The following KIAA0513 variants were observed in gnomAD, a reference collection of about 807,000 sequenced individuals.
KIAA0513 encodes uncharacterized protein KIAA0513.
Under a neutral mutation model 56.5 loss-of-function variants are expected in KIAA0513, and 39 were observed. The observed-to-expected ratio is 0.69, with a 90% confidence interval of 0.53 to 0.90. The LOEUF (loss-of-function observed/expected upper bound fraction) is 0.90. Ranked by LOEUF, KIAA0513 falls within the 40% of genes least tolerant of loss-of-function variation. The probability of loss-of-function intolerance (pLI) is 0.00; values close to 1 mark genes in which losing one functional copy is unlikely to be tolerated. For synonymous variants in KIAA0513, 268 were observed against 215.6 expected, an observed-to-expected ratio of 1.24 and a Z score of -2.13; for missense variants, 591 against 535.2, an observed-to-expected ratio of 1.10 and a Z score of -1.03.
intron 1 of KIAA0513, among the ~76,000 whole-genome samples, chr16:85,050,432 C>T (rs1238224345): frequency 6.6e-6 from 1 of 151,820 alleles, no homozygotes; most frequent in Non-Finnish European, 1.5e-5. Context: ...TCACTGCAAC[C>T]TCCACCTCCC....
At chr16:85,038,278 C>A (rs67231081) in intron 1 of KIAA0513, among the ~76,000 whole-genome samples, 9,667 of 152,294 alleles carry the variant, frequency 0.063, 934 homozygotes, top group African/African-American at 0.21. Context: ...CCGCTTTCTC[C>A]GGCTGAAGGT....
chr16:85,079,016 C>T lies in KIAA0513; in HGVS notation c.902+13C>T, dbSNP rs536755376. On this transcript the variant is annotated intron_variant, in intron 8 of 12. Transcript: ENST00000683363. ...AACAGCCCATCTGGTAAGGCCGAGC[C>T]CGCGGCTTCCCGTCACCCTCTTACT... The T allele has an allele frequency of 5.3e-5, 86 of 1,614,118 alleles. No individual in the cohort carries two copies. In the East Asian group the frequency reaches 1.7e-3, roughly 32 times the overall value.
intron 1 of KIAA0513, among the ~76,000 whole-genome samples, chr16:85,049,306 C>T (rs16975159): frequency 0.4 from 61,035 of 152,118 alleles, 13,674 homozygotes; most frequent in African/African-American, 0.61. Context: ...CCTCAGTGCA[C>T]AGCTGTTAGC....
At chr16:85,046,207 A>G (rs11647764) in intron 1 of KIAA0513, among the ~76,000 whole-genome samples, 10,123 of 152,232 alleles carry the variant, frequency 0.066, 374 homozygotes, top group Middle Eastern at 0.085. Context: ...ACCACGCGCC[A>G]TGCCTTTCTG....
chr16:85,078,391 A>G (rs2073690658), intron 6 of KIAA0513, 24 bp from the exon 7 acceptor site: 5 of 1,613,792 alleles, frequency 3.1e-6, no homozygotes, highest in Non-Finnish European at 2.5e-6. Flanking sequence ...CGCGTGTGTC[A>G]TCATTGTGCC....
intron 1 of KIAA0513, among the ~76,000 whole-genome samples, chr16:85,037,597 TA>T (rs1391406029): frequency 1.3e-5 from 2 of 152,204 alleles, no homozygotes; most frequent in African/African-American, 2.4e-5. Flanking sequence ...GAAAACCCGT[TA>T]ACCAAGTAAA....
At chr16:85,036,478 C>T (rs138714362) in intron 1 of KIAA0513, among the ~76,000 whole-genome samples, 6 of 152,288 alleles carry the variant, frequency 3.9e-5, no homozygotes, top group Non-Finnish European at 2.9e-5. Flanking sequence ...GCTATTGTAG[C>T]ACGTGTCCAT....
chr16:85,065,086 C>T (rs988167109), intron 1 of KIAA0513, among the ~76,000 whole-genome samples: 15 of 152,230 alleles, frequency 9.9e-5, no homozygotes, highest in Non-Finnish European at 1.0e-4. Context: ...GTACAGACAG[C>T]ACTAGCTTAA....
At chr16:85,034,298 T>C (rs577476992) in intron 1 of KIAA0513, among the ~76,000 whole-genome samples, 5 of 152,156 alleles carry the variant, frequency 3.3e-5, no homozygotes, top group Non-Finnish European at 4.4e-5. Flanking sequence ...GAGAATTGCT[T>C]GAACCTGGGG....
At chr16:85,056,952 G>C (rs9939789) in intron 1 of KIAA0513, among the ~76,000 whole-genome samples, 12,761 of 152,174 alleles carry the variant, frequency 0.084, 1,744 homozygotes, top group African/African-American at 0.28. Context: ...CGAGCCTCCT[G>C]CCTCAGCCTC....
chr16:85,062,633 C>T (rs1444786932), intron 1 of KIAA0513, among the ~76,000 whole-genome samples: 1 of 152,120 alleles, frequency 6.6e-6, no homozygotes, highest in Non-Finnish European at 1.5e-5. Flanking sequence ...TTTTGACTCC[C>T]AGCGTGTTTT....
chr16:85,087,043 G>T (rs7184307), intron 11 of KIAA0513, 29 bp from the exon 12 acceptor site: 6 of 1,607,170 alleles, frequency 3.7e-6, no homozygotes, highest in Middle Eastern at 3.3e-4. Flanking sequence ...GGAGGCCAGC[G>T]GGTGACGCTC....
chr16:85,070,428 C>T (rs887405341), intron 2 of KIAA0513, among the ~76,000 whole-genome samples: 1 of 152,086 alleles, frequency 6.6e-6, no homozygotes, highest in African/African-American at 2.4e-5. Flanking sequence ...CCTGTAATCC[C>T]AGCACTTTGG....
chr16:85,078,726 C>T (rs1451463542), intron 7 of KIAA0513, among the ~76,000 whole-genome samples, 199 bp from the exon 8 acceptor site: 2 of 152,238 alleles, frequency 1.3e-5, no homozygotes, highest in Non-Finnish European at 2.9e-5. Context: ...CGGAACCATC[C>T]CTCAGAAGAA....
At position 85,081,212 on chromosome 16, in the gene KIAA0513, G is replaced by C. The variant is rs1160201308; in HGVS notation, c.903-103G>C. On this transcript the variant is annotated intron_variant, in intron 8 of 12. Coordinates refer to ENST00000683363, the MANE Select transcript of KIAA0513 (RefSeq NM_001388359.1). This position sits in a 1 kb window ranked among gnomAD's most constrained non-coding sequence, Gnocchi z 4.4. ...CTCTCTGAGACTTCTTAGAAGCTCA[G>C]ACAGATGTGAGACACTGCCCTTGTT... 8 of 1,026,414 alleles carry C rather than the reference G, an allele frequency of 7.8e-6. No individual in the cohort carries two copies. The highest frequency in any genetic ancestry group is 2.4e-5 in the East Asian group (1 of 41,880). The allele number at this position is 1,026,414 out of a possible 1,614,324, so 63.6% of individuals were successfully genotyped here.
At position 85,064,005 on chromosome 16, in the gene KIAA0513, CT is replaced by C. The variant is rs11403480; in HGVS notation, c.-172-2877del. Among the ~76,000 whole-genome samples the C allele has an allele frequency of 1.1e-3, 135 of 124,864 alleles. 1 individual carries two copies. Among genetic ancestry groups the C allele is most frequent in the Middle Eastern group, 8.8e-3 (2 of 226 alleles). The allele number at this position is 124,864 out of a possible 152,430, so 81.9% of individuals were successfully genotyped here. A position where few individuals can be genotyped will look rare whatever the true frequency, so the allele number is the denominator to read the frequency against. ...CCATTTTACTATATTTATTTATTTA[CT>C]TTTTTTTTTTTTTTTTTGAGGTGGA... On this transcript the variant is annotated intron_variant, in intron 1 of 12. Transcript: ENST00000683363.
chr16:85,086,455 C>T (rs1049037445), intron 10 of KIAA0513, among the ~76,000 whole-genome samples, 189 bp from the exon 11 acceptor site: 47 of 152,336 alleles, frequency 3.1e-4, no homozygotes, highest in Admixed American at 2.0e-3. Flanking sequence ...ACCCCAAGCG[C>T]GGTGTGAGGA....
chr16:85,078,941 C>G lies in KIAA0513; in HGVS notation c.840C>G (p.Pro280=). The G allele has an allele frequency of 6.2e-7, 1 of 1,614,136 alleles. No individual in the cohort carries two copies. Residue 280 remains proline (P), a synonymous_variant, in exon 8 of 13, where the codon CCC becomes CCG. Coordinates refer to ENST00000683363, the MANE Select transcript of KIAA0513 (RefSeq NM_001388359.1). ...CTCCCACAGTGACCGCGTACAGCCC[C>G]GAGGACGAAAAGAAGGGGGAGAAGA... is the stretch of plus-strand genomic sequence containing the variant. ...KRPRAVTAYS[P]EDEKKGEKIY...
chr16:85,064,509 T>G (rs943965141), intron 1 of KIAA0513, among the ~76,000 whole-genome samples: 51 of 152,216 alleles, frequency 3.4e-4, no homozygotes, highest in Admixed American at 3.3e-3. Context: ...GTATTATCTC[T>G]CCCTATTCCA....
Sources: allele counts gnomAD v4.1 joint callset (sites outside exome capture counted in the v4.1 genomes callset), GRCh38; gene constraint gnomAD v4.1.1; non-coding constraint Gnocchi (gnomAD v3.1); transcripts MANE v1.5; gene names NCBI Gene and HGNC (gene_info 2026-07-23, HGNC 2026-07-21).